The following ADAMTS17 variants were observed in gnomAD, a reference collection of about 807,000 sequenced individuals.
ADAMTS17 encodes ADAM metallopeptidase with thrombospondin type 1 motif 17, also known as A disintegrin and metalloproteinase with thrombospondin motifs 17.
Under a neutral mutation model 141.5 loss-of-function variants are expected in ADAMTS17, and 113 were observed. The ratio of observed to expected loss-of-function variants is 0.80; its 90% CI spans 0.69 to 0.93. The LOEUF (loss-of-function observed/expected upper bound fraction) is 0.93, where lower values mean the gene tolerates loss of function less well. Ranked by LOEUF, ADAMTS17 falls within the 40% of genes least tolerant of loss-of-function variation. The probability of loss-of-function intolerance (pLI) is 0.00; values close to 1 mark genes in which losing one functional copy is unlikely to be tolerated. For missense variants in ADAMTS17, 1,659 were observed against 1,517.9 expected, an observed-to-expected ratio of 1.09 and a Z score of -1.54; for synonymous variants, 768 against 630.6, an observed-to-expected ratio of 1.22 and a Z score of -3.27.
intron 7 of ADAMTS17, among the ~76,000 whole-genome samples, chr15:100,205,906 C>G (rs2041532079): frequency 6.6e-6 from 1 of 152,154 alleles, no homozygotes. Flanking sequence ...GTGCCAGGGA[C>G]CGAGCCCAGG....
At chr15:100,152,910 A>G (rs2039247861) in intron 9 of ADAMTS17, 148 bp from the exon 10 acceptor site, 1 of 588,076 alleles carries the variant, frequency 1.7e-6, no homozygotes, top group Non-Finnish European at 2.2e-6. Flanking sequence ...CTGGACACAC[A>G]GACTGCGCTT....
intron 8 of ADAMTS17, among the ~76,000 whole-genome samples, chr15:100,173,578 T>C (rs1257176322): frequency 6.6e-6 from 1 of 152,224 alleles, no homozygotes; most frequent in African/African-American, 2.4e-5. Context: ...GCAGGAAGCC[T>C]GTCCTTCCTC....
At chr15:100,223,558 C>G (rs997867755) in intron 7 of ADAMTS17, among the ~76,000 whole-genome samples, 2 of 152,044 alleles carry the variant, frequency 1.3e-5, no homozygotes, top group Non-Finnish European at 2.9e-5. Flanking sequence ...GGGACTCACT[C>G]TGAGAAGAGG....
chr15:100,329,569 ACC>A (rs2045988805), intron 3 of ADAMTS17, among the ~76,000 whole-genome samples: 1 of 151,430 alleles, frequency 6.6e-6, no homozygotes, highest in Non-Finnish European at 1.5e-5. Flanking sequence ...TCCACACACA[ACC>A]AACTGTCAGA....
intron 18 of ADAMTS17, among the ~76,000 whole-genome samples, chr15:100,027,399 A>C (rs1461150295): frequency 2.0e-5 from 3 of 152,200 alleles, no homozygotes; most frequent in East Asian, 3.8e-4. Context: ...TAAACATCCT[A>C]AGATGCTCAC....
At chr15:100,025,945 A>G (rs767145078) in intron 18 of ADAMTS17, among the ~76,000 whole-genome samples, 14 of 152,214 alleles carry the variant, frequency 9.2e-5, no homozygotes, top group Non-Finnish European at 1.9e-4. Flanking sequence ...TATCACATAA[A>G]TACATAAAAG....
At chr15:100,031,020 T>A (rs2030108044) in intron 18 of ADAMTS17, among the ~76,000 whole-genome samples, 1 of 152,208 alleles carries the variant, frequency 6.6e-6, no homozygotes, top group Non-Finnish European at 1.5e-5. Flanking sequence ...GAGTGCTGAC[T>A]CGGGGTGAAG....
chr15:100,303,961 T>C (rs1047857846), intron 3 of ADAMTS17, among the ~76,000 whole-genome samples: 9 of 152,168 alleles, frequency 5.9e-5, no homozygotes, highest in Admixed American at 5.2e-4. Context: ...TGACCTCAGG[T>C]GATCCACCCG....
chr15:100,170,266 A>AT (rs1368161626), intron 8 of ADAMTS17, among the ~76,000 whole-genome samples: 1 of 152,152 alleles, frequency 6.6e-6, no homozygotes, highest in Non-Finnish European at 1.5e-5. Context: ...GCAGAATGGT[A>AT]ACTCCTTTCA....
intron 15 of ADAMTS17, among the ~76,000 whole-genome samples, chr15:100,074,711 G>C (rs542825236): frequency 6.6e-6 from 1 of 151,920 alleles, no homozygotes; most frequent in Non-Finnish European, 1.5e-5. Context: ...TTCGGTTTTG[G>C]TATCAGTATT....
In ADAMTS17 at chr15:100,062,150, C is replaced by T. The variant is rs541449825; in HGVS notation, c.2138-8096G>A. Among the ~76,000 whole-genome samples the T allele has an allele frequency of 1.4e-3, 209 of 152,260 alleles. 1 individual carries two copies. The highest frequency in any genetic ancestry group is 4.9e-3 in the African/African-American group (203 of 41,552). ...GACAGCTGAGGAGGAGAGTGCCAGG[C>T]GAGGCAGGGACACTGTCCATGCAGG... On this transcript the variant is annotated intron_variant, in intron 15 of 21. Transcript: ENST00000268070.
intron 20 of ADAMTS17, among the ~76,000 whole-genome samples, chr15:99,988,454 G>C (rs534518640): frequency 6.6e-6 from 1 of 152,290 alleles, no homozygotes; most frequent in South Asian, 2.1e-4. Context: ...TTCCTATACA[G>C]TCTGCAGAAC....
chr15:100,262,622 T>C (rs2043564095), intron 4 of ADAMTS17, among the ~76,000 whole-genome samples, 187 bp from the exon 5 acceptor site: 1 of 152,068 alleles, frequency 6.6e-6, no homozygotes. Context: ...AAACATGCCA[T>C]TCTAATATGA....
chr15:100,135,716 C>T (rs1198170694), intron 10 of ADAMTS17, among the ~76,000 whole-genome samples: 1 of 152,166 alleles, frequency 6.6e-6, no homozygotes, highest in Admixed American at 6.5e-5. Context: ...CAACAAAAAA[C>T]TCCTATAGAT....
At chr15:100,209,110 TAGCAAA>T (rs1280958543) in intron 7 of ADAMTS17, among the ~76,000 whole-genome samples, 1 of 24,382 alleles carries the variant, frequency 4.1e-5, no homozygotes, top group African/African-American at 1.6e-4. Context: ...TTTGCCAAGT[TAGCAAA>T]AAAAAAAAAA....
At chr15:100,304,844 C>A (rs1468021353) in intron 3 of ADAMTS17, among the ~76,000 whole-genome samples, 1 of 152,178 alleles carries the variant, frequency 6.6e-6, no homozygotes, top group Non-Finnish European at 1.5e-5. Flanking sequence ...CAAGACCAAC[C>A]TCTCCTCTCC....
intron 18 of ADAMTS17, among the ~76,000 whole-genome samples, chr15:100,039,906 T>C (rs2031093539): frequency 6.6e-6 from 1 of 152,216 alleles, no homozygotes; most frequent in Non-Finnish European, 1.5e-5. Flanking sequence ...CATATGTTTA[T>C]AATTGTTGTA....
intron 8 of ADAMTS17, among the ~76,000 whole-genome samples, chr15:100,169,962 T>C (rs2040098519): frequency 1.3e-5 from 2 of 152,132 alleles, no homozygotes; most frequent in Admixed American, 6.5e-5. Flanking sequence ...GGTTCAGGGT[T>C]GGTTCCCTTC....
chr15:100,196,943 T>C (rs1302132477), intron 8 of ADAMTS17, among the ~76,000 whole-genome samples: 1 of 152,250 alleles, frequency 6.6e-6, no homozygotes, highest in Non-Finnish European at 1.5e-5. Flanking sequence ...CAAGATTTAT[T>C]GGCTTTGATT....
Sources: gnomAD v4.1 joint callset for allele counts (sites outside exome capture counted in the v4.1 genomes callset) on GRCh38, gnomAD v4.1.1 for gene constraint, MANE v1.5 for transcripts, NCBI Gene and HGNC (gene_info 2026-07-23, HGNC 2026-07-21) for gene names.